The following ATIC variants were observed in gnomAD, a reference collection of about 807,000 sequenced individuals.
ATIC encodes bifunctional purine biosynthesis protein ATIC.
Under a neutral mutation model 72.5 loss-of-function variants are expected in ATIC, and 64 were observed. The observed-to-expected ratio is 0.88, with a 90% CI of 0.72 to 1.09. The LOEUF is 1.09. ATIC is among the 50% of genes least tolerant of loss of function. The pLI is 0.00. For synonymous variants in ATIC, 281 were observed against 267.1 expected, an observed-to-expected ratio of 1.05 and a Z score of -0.51; for missense variants, 787 against 732.4, an observed-to-expected ratio of 1.07 and a Z score of -0.86.
chr2:215,352,552 A>T (rs1221107814), downstream of ATIC, among the ~76,000 whole-genome samples: 1 of 151,832 alleles, frequency 6.6e-6, no homozygotes, highest in Non-Finnish European at 1.5e-5. Flanking sequence ...ACTGCACTTC[A>T]GCCTGGGCAA....
At chr2:215,323,940 T>G (rs2052795808) in intron 4 of ATIC, among the ~76,000 whole-genome samples, 1 of 152,230 alleles carries the variant, frequency 6.6e-6, no homozygotes, top group South Asian at 2.1e-4. Flanking sequence ...TTTTGTATTT[T>G]TAGTAGAGAT....
At chr2:215,344,977 C>A in intron 13 of ATIC, 106 bp downstream of exon 13, 1 of 1,198,254 alleles carries the variant, frequency 8.3e-7, no homozygotes, top group Non-Finnish European at 1.2e-6. Context: ...GAATATTTGC[C>A]AAATGTTTGT....
In ATIC at chr2:215,333,452, C is replaced by T; in HGVS notation, c.917C>T (p.Ala306Val). The T allele has an allele frequency of 6.2e-7, 1 of 1,613,200 alleles. No homozygotes were observed. The highest frequency in any genetic ancestry group is 1.1e-5 in the South Asian group (1 of 91,048). The stretch of plus-strand genomic sequence containing the variant: ...CCCATCTCAGCGGCATATGCAAGAG[C>T]AAGAGGTCAGACTCATAGGGCTTTT... Reference protein sequence around the residue: ...LTPISAAYARARGADRMSSFG... With the variant: ...LTPISAAYARVRGADRMSSFG... Residue 306 changes from alanine (A) to valine (V), a missense_variant, in exon 9 of 16, where the codon GCA (alanine) becomes GTA (valine). By Grantham distance (64) the Ala-to-Val change is moderately conservative (BLOSUM62 0). Coordinates refer to ENST00000236959, the MANE Select transcript of ATIC (RefSeq NM_004044.7).
At chr2:215,344,664 A>C in intron 12 of ATIC, 115 bp from the exon 13 acceptor site, 1 of 962,536 alleles carries the variant, frequency 1.0e-6, no homozygotes, top group South Asian at 1.4e-5. Context: ...TGCCTGGGAG[A>C]CAGAGTGAGA....
At chr2:215,368,505 A>G in the ATIC span, among the ~76,000 whole-genome samples, 4 of 152,264 alleles carry the variant, frequency 2.6e-5, no homozygotes, top group Non-Finnish European at 5.9e-5. Context: ...ATATAAGGCC[A>G]TGAATTCAAA....
In ATIC at chr2:215,325,997, C is replaced by G. The variant is rs926914053; in HGVS notation, c.390C>G (p.Thr130=). 6.2e-7 allele frequency: 1 copy of G among 1,614,130 alleles called. No homozygotes were observed. Among genetic ancestry groups the G allele is most frequent in the Non-Finnish European group, 8.5e-7 (1 of 1,180,006 alleles). The part of the protein sequence containing the change: ...AVEQIDIGGV[T]LLRAAAKNHA... The stretch of plus-strand genomic sequence containing the variant: ...TTTTGTTCTTCAAAGGTGGAGTAAC[C>G]TTACTGAGAGCTGCAGCCAAAAACC... The change falls in exon 6 of 16, where the codon ACC becomes ACG. Residue 130 remains threonine (T), a synonymous_variant. Coordinates refer to ENST00000236959, the MANE Select transcript of ATIC (RefSeq NM_004044.7).
chr2:215,332,501 C>A lies in ATIC; in HGVS notation c.808C>A (p.Pro270Thr). 1.2e-6 allele frequency: 2 copies of A among 1,614,038 alleles called. No homozygotes were observed. The highest frequency in any genetic ancestry group is 3.3e-5 in the Admixed American group (2 of 59,996). Residue 270 changes from proline (P) to threonine (T), a missense_variant, in exon 8 of 16, where the codon CCA (proline) becomes ACA (threonine). Pro to Thr is a conservative substitution (Grantham distance 38). Coordinates refer to ENST00000236959, the MANE Select transcript of ATIC (RefSeq NM_004044.7). The part of the protein sequence containing the change: ...PAAASFKHVS[P>T]AGAAVGIPLS... ...CGCTGCCTCTTTCAAACATGTCAGC[C>A]CAGCAGGTAAAGCTCTGTGCTCTGG...
intron 12 of ATIC, among the ~76,000 whole-genome samples, chr2:215,339,966 GT>G (rs576205068): frequency 7.3e-5 from 11 of 150,280 alleles, no homozygotes; most frequent in Non-Finnish European, 1.5e-4. Context: ...ACTTTTGAAT[GT>G]TTTTATCCCT....
chr2:215,338,989 A>G, intron 12 of ATIC, 82 bp downstream of exon 12: 1 of 1,585,700 alleles, frequency 6.3e-7, no homozygotes, highest in Non-Finnish European at 8.6e-7. Context: ...ACATTTATTA[A>G]GGTCTGGATT....
At chr2:215,356,849 G>A in the ATIC span, among the ~76,000 whole-genome samples, 3 of 152,196 alleles carry the variant, frequency 2.0e-5, no homozygotes, top group African/African-American at 7.2e-5. Flanking sequence ...ATGGACATTG[G>A]GTTGTTTCCG....
chr2:215,318,100 A>T, intron 2 of ATIC, 57 bp from the exon 3 acceptor site: 2 of 1,441,790 alleles, frequency 1.4e-6, no homozygotes, highest in African/African-American at 2.8e-5. Flanking sequence ...TGCTTTGAAT[A>T]GTGAAAATTA....
At chr2:215,352,761 A>G (rs1430265590), downstream of ATIC, among the ~76,000 whole-genome samples, 1 of 47,108 alleles carries the variant, frequency 2.1e-5, no homozygotes, top group Non-Finnish European at 6.8e-5. Flanking sequence ...GTGCAACCCA[A>G]GCCTGGTACA....
chr2:215,316,747 CTTTA>C (rs1045503224), intron 2 of ATIC, among the ~76,000 whole-genome samples: 1 of 152,018 alleles, frequency 6.6e-6, no homozygotes, highest in African/African-American at 2.4e-5. Flanking sequence ...TTGCTTCCTG[CTTTA>C]TTTATTTTTA....
At chr2:215,317,609 C>A (rs1345135669) in intron 2 of ATIC, among the ~76,000 whole-genome samples, 8 of 152,118 alleles carry the variant, frequency 5.3e-5, no homozygotes. Flanking sequence ...CCTCAGCCTC[C>A]CCAGTAGCTG....
intron 7 of ATIC, among the ~76,000 whole-genome samples, chr2:215,327,552 G>T (rs1179960178): frequency 6.6e-6 from 1 of 152,174 alleles, no homozygotes; most frequent in East Asian, 1.9e-4. Flanking sequence ...TTTAGAGAGG[G>T]TTTTTAAATG....
At chr2:215,349,005 C>A in intron 14 of ATIC, 89 bp from the exon 15 acceptor site, 3 of 1,324,620 alleles carry the variant, frequency 2.3e-6, no homozygotes, top group Admixed American at 2.1e-5. Context: ...AAGAAAAATG[C>A]CCAGGTGCTT....
intron 2 of ATIC, among the ~76,000 whole-genome samples, chr2:215,313,811 G>GTC (rs1443387859): frequency 1.3e-5 from 2 of 152,044 alleles, no homozygotes; most frequent in African/African-American, 4.8e-5. Context: ...GTCTTTTTGC[G>GTC]TCTTGTCTCT....
chr2:215,329,133 A>G lies in ATIC; in HGVS notation c.688+2155A>G, dbSNP rs182035351. Reference sequence around the variant, plus strand: ...ATGTTTACTGAATGAATAATTAGCAACCTGACATTTTGCACAAATTTTTCC... The same window carrying G: ...ATGTTTACTGAATGAATAATTAGCAGCCTGACATTTTGCACAAATTTTTCC... On this transcript the variant is annotated intron_variant, in intron 7 of 15. Transcript: ENST00000236959. Among the ~76,000 whole-genome samples the G allele has an allele frequency of 1.2e-4, 19 of 152,288 alleles. 1 individual carries two copies. In the Middle Eastern group the frequency reaches 0.01, roughly 82 times the overall value.
intron 2 of ATIC, among the ~76,000 whole-genome samples, chr2:215,314,317 A>G (rs2052686257): frequency 6.6e-6 from 1 of 152,236 alleles, no homozygotes; most frequent in African/African-American, 2.4e-5. Flanking sequence ...AACAAAGGCC[A>G]CATTCAGTTG....
Sources: allele counts gnomAD v4.1 joint callset (sites outside exome capture counted in the v4.1 genomes callset), GRCh38; gene constraint gnomAD v4.1.1; transcripts MANE v1.5; gene names NCBI Gene and HGNC (gene_info 2026-07-23, HGNC 2026-07-21).